The following EPCIP variants were observed in gnomAD, a reference collection of about 807,000 sequenced individuals.
EPCIP encodes the protein exosomal polycystin 1 interacting protein.
chr21:32,809,957 A>T, the EPCIP span, among the ~76,000 whole-genome samples: 1 of 152,030 alleles, frequency 6.6e-6, no homozygotes, highest in Non-Finnish European at 1.5e-5. Context: ...AGAGCCTAGT[A>T]CCTAGTCGTG....
At chr21:32,790,888 A>G in the EPCIP span, 5 of 152,358 alleles carry the variant, frequency 3.3e-5, no homozygotes, top group African/African-American at 1.2e-4. Context: ...ACAAACAAAC[A>G]AAAAAGCTGA....
the EPCIP span, chr21:32,813,607 C>A: frequency 4.2e-6 from 2 of 471,020 alleles, no homozygotes; most frequent in East Asian, 1.4e-4. Flanking sequence ...AGAGTTCCAC[C>A]GTGAGGCCTC....
At chr21:32,809,279 C>CCTTTCTTTCTTTCTTT in the EPCIP span, among the ~76,000 whole-genome samples, 244 of 80,038 alleles carry the variant, frequency 3.0e-3, no homozygotes, top group South Asian at 4.6e-3. Flanking sequence ...CTCCCTCCTT[C>CCTTTCTTTCTTTCTTT]CTTTCTTTCT....
the EPCIP span, among the ~76,000 whole-genome samples, chr21:32,812,295 T>G: frequency 2.0e-5 from 3 of 152,198 alleles, no homozygotes; most frequent in Non-Finnish European, 4.4e-5. Flanking sequence ...ATCCACAGCT[T>G]TGCACAGCTG....
At chr21:32,794,782 C>T in the EPCIP span, among the ~76,000 whole-genome samples, 15,419 of 152,198 alleles carry the variant, frequency 0.1, 862 homozygotes, top group African/African-American at 0.11. Flanking sequence ...GATGCCAGAG[C>T]GGATGCCAGA....
At chr21:32,794,336 T>C in the EPCIP span, 26 of 1,614,240 alleles carry the variant, frequency 1.6e-5, no homozygotes, top group East Asian at 3.6e-4. Flanking sequence ...GAGCGTGCTG[T>C]TCTTCTGACC....
chr21:32,794,387 A>G, the EPCIP span: 1 of 1,614,076 alleles, frequency 6.2e-7, no homozygotes. Flanking sequence ...CAGAGTGCTG[A>G]TCAGAAGAAG....
chr21:32,808,547 T>G, the EPCIP span, among the ~76,000 whole-genome samples: 1 of 152,324 alleles, frequency 6.6e-6, no homozygotes, highest in East Asian at 1.9e-4. Context: ...GTTACAAATA[T>G]TGGAACCAAT....
At chr21:32,791,403 A>C in the EPCIP span, 2 of 152,210 alleles carry the variant, frequency 1.3e-5, no homozygotes, top group African/African-American at 4.8e-5. Flanking sequence ...ATACTTTATT[A>C]ATAAAAATTA....
At chr21:32,804,275 T>TTATATATA in the EPCIP span, among the ~76,000 whole-genome samples, 22 of 140,958 alleles carry the variant, frequency 1.6e-4, no homozygotes, top group South Asian at 1.6e-3. Flanking sequence ...ATGCATGTGA[T>TTATATATA]TATATATATA....
the EPCIP span, among the ~76,000 whole-genome samples, chr21:32,811,139 CT>C: frequency 8.5e-4 from 124 of 146,548 alleles, 1 homozygote; most frequent in Middle Eastern, 7.1e-3. Flanking sequence ...CCCCCCTCCC[CT>C]TTTTTTTTTA....
the EPCIP span, chr21:32,799,028 G>A: frequency 3.9e-5 from 6 of 152,090 alleles, no homozygotes; most frequent in Non-Finnish European, 5.9e-5. Flanking sequence ...AATATTAGGA[G>A]GCAAAAATAC....
chr21:32,795,080 A>G, the EPCIP span, among the ~76,000 whole-genome samples: 1 of 152,216 alleles, frequency 6.6e-6, no homozygotes, highest in African/African-American at 2.4e-5. Flanking sequence ...TCCCCACCAT[A>G]TTAATCTGTT....
At chr21:32,813,163 CAT>C in the EPCIP span, among the ~76,000 whole-genome samples, 2 of 152,012 alleles carry the variant, frequency 1.3e-5, no homozygotes, top group Non-Finnish European at 2.9e-5. Flanking sequence ...AAAGAGATAT[CAT>C]ATCTCTTTTC....
At chr21:32,806,335 A>G in the EPCIP span, among the ~76,000 whole-genome samples, 1 of 152,228 alleles carries the variant, frequency 6.6e-6, no homozygotes, top group Non-Finnish European at 1.5e-5. Flanking sequence ...CTCTCTGGTC[A>G]TCAAGCAACA....
the EPCIP span, among the ~76,000 whole-genome samples, chr21:32,803,513 G>A: frequency 6.6e-6 from 1 of 152,196 alleles, no homozygotes; most frequent in Non-Finnish European, 1.5e-5. Flanking sequence ...CACAGGCAGT[G>A]TGAGGGCTTT....
chr21:32,797,362 T>A, the EPCIP span: 1 of 205,940 alleles, frequency 4.9e-6, no homozygotes, highest in Non-Finnish European at 1.0e-5. Context: ...GATTGTCTTG[T>A]CTCAGCCTCC....
the EPCIP span, among the ~76,000 whole-genome samples, chr21:32,793,247 G>A: frequency 1.3e-5 from 2 of 152,160 alleles, no homozygotes. Flanking sequence ...GTGAGCCACT[G>A]TGCCCGACCA....
chr21:32,813,049 G>A, the EPCIP span, among the ~76,000 whole-genome samples: 12 of 152,188 alleles, frequency 7.9e-5, no homozygotes, highest in South Asian at 4.2e-4. Flanking sequence ...TGTGTAAATA[G>A]GCAGTAAATA....
Sources: gnomAD v4.1 joint callset for allele counts (sites outside exome capture counted in the v4.1 genomes callset) on GRCh38, gnomAD v4.1.1 for gene constraint, MANE v1.5 for transcripts, NCBI Gene and HGNC (gene_info 2026-07-23, HGNC 2026-07-21) for gene names.